The following RAB27B variants were observed in gnomAD, a reference collection of about 807,000 sequenced individuals.
RAB27B encodes the protein RAB27B, member RAS oncogene family, also known as ras-related protein Rab-27B.
RAB27B carries 15 observed loss-of-function variants against 24.6 expected under a neutral mutation model. That is an observed-to-expected ratio of 0.61 (90% CI 0.41 to 0.94). The LOEUF (loss-of-function observed/expected upper bound fraction) is 0.94. Among genes scored for constraint, RAB27B ranks in the 40% least tolerant of loss-of-function variants. The pLI, the probability that RAB27B is intolerant of heterozygous loss-of-function variation, is 0.00. For missense variants in RAB27B, 261 were observed against 266.8 expected (o/e 0.98, Z 0.15); for synonymous variants, 105 against 92.5 (o/e 1.14, Z -0.78).
At chr18:54,858,481 T>G (rs956940715) in intron 1 of RAB27B, among the ~76,000 whole-genome samples, 18 of 151,676 alleles carry the variant, frequency 1.2e-4, no homozygotes, top group African/African-American at 4.4e-4. Context: ...ACCTCCCGTG[T>G]TCACGCCATT....
intron 2 of RAB27B, among the ~76,000 whole-genome samples, chr18:54,757,690 T>C (rs912065613): frequency 6.6e-6 from 1 of 152,184 alleles, no homozygotes; most frequent in Non-Finnish European, 1.5e-5. Flanking sequence ...AAAGATTACT[T>C]ATTTTTCTTT....
chr18:54,840,182 C>A (rs921083514), intron 1 of RAB27B, among the ~76,000 whole-genome samples: 2 of 152,084 alleles, frequency 1.3e-5, no homozygotes, highest in Admixed American at 6.5e-5. Context: ...GGGTAAAGTT[C>A]TTTCCTTGTA....
chr18:54,859,169 A>C (rs1911910061), intron 1 of RAB27B, among the ~76,000 whole-genome samples: 1 of 152,202 alleles, frequency 6.6e-6, no homozygotes, highest in Non-Finnish European at 1.5e-5. Context: ...TTGTAGATCA[A>C]ATCTGGAAAA....
chr18:54,719,048 ATG>A (rs987091041), intron 2 of RAB27B, among the ~76,000 whole-genome samples: 5 of 52,368 alleles, frequency 9.5e-5, no homozygotes, highest in South Asian at 5.8e-4. Flanking sequence ...TAAGATAAAC[ATG>A]TAAGATAAAA....
At chr18:54,871,340 A>C (rs1912457357) in intron 1 of RAB27B, among the ~76,000 whole-genome samples, 2 of 152,196 alleles carry the variant, frequency 1.3e-5, no homozygotes, top group African/African-American at 4.8e-5. Flanking sequence ...ACGGGAACGA[A>C]TATTTCATAG....
chr18:54,743,305 C>T (rs1318435518), intron 2 of RAB27B, among the ~76,000 whole-genome samples: 2 of 152,100 alleles, frequency 1.3e-5, no homozygotes, highest in Non-Finnish European at 2.9e-5. Flanking sequence ...TTCATTCAGC[C>T]CATATTGATT....
At chr18:54,836,694 C>T (rs1053627274) in intron 1 of RAB27B, among the ~76,000 whole-genome samples, 2 of 151,894 alleles carry the variant, frequency 1.3e-5, no homozygotes, top group African/African-American at 4.8e-5. Flanking sequence ...ATCATGTTTT[C>T]TAAAAGTGTG....
chr18:54,854,735 A>G (rs778210058), intron 1 of RAB27B, among the ~76,000 whole-genome samples: 10 of 152,206 alleles, frequency 6.6e-5, no homozygotes, highest in Non-Finnish European at 1.2e-4. Flanking sequence ...AATAAAATTA[A>G]TGGTACCACA....
At chr18:54,793,852 C>T (rs1909331671) in intron 2 of RAB27B, among the ~76,000 whole-genome samples, 1 of 152,196 alleles carries the variant, frequency 6.6e-6, no homozygotes, top group Admixed American at 6.5e-5. Context: ...TCAAATCTAT[C>T]CTGGGCAACA....
At chr18:54,872,839 T>C (rs917459838) in intron 1 of RAB27B, among the ~76,000 whole-genome samples, 3 of 152,160 alleles carry the variant, frequency 2.0e-5, no homozygotes, top group African/African-American at 7.2e-5. Context: ...AATAAATTTA[T>C]ACACTCAACA....
At chr18:54,869,178 G>A (rs1182591886) in intron 1 of RAB27B, among the ~76,000 whole-genome samples, 2 of 152,180 alleles carry the variant, frequency 1.3e-5, no homozygotes, top group Non-Finnish European at 2.9e-5. Flanking sequence ...TTTTCAGATG[G>A]AATCCATTAG....
chr18:54,815,865 C>T (rs1910105741), intron 2 of RAB27B, among the ~76,000 whole-genome samples: 2 of 152,098 alleles, frequency 1.3e-5, no homozygotes, highest in South Asian at 4.2e-4. Context: ...CTCAAGTGAT[C>T]CACCCACCTC....
intron 2 of RAB27B, among the ~76,000 whole-genome samples, chr18:54,804,220 A>G (rs1025980856): frequency 6.6e-6 from 1 of 152,232 alleles, no homozygotes; most frequent in Non-Finnish European, 1.5e-5. Flanking sequence ...TCCAAACTGA[A>G]GGACATTCAA....
rs2099454185 is a variant in RAB27B, at chr18:54,736,965, G to GT, written c.-20+18829dup. Among the ~76,000 whole-genome samples the GT allele has an allele frequency of 2.0e-5, 3 of 152,248 alleles. No individual in the cohort carries two copies. In the South Asian group the frequency reaches 6.2e-4, roughly 32 times the overall value. ...GAAGTCTTAGGGACTCGAAAGAACA[G>GT]TTTTTAAATGTTATTTCCTTTTGTG... is the stretch of plus-strand genomic sequence containing the variant. On this transcript the variant is annotated intron_variant, in intron 2 of 4. Coordinates refer to the RAB27B transcript ENST00000586570.
chr18:54,809,628 T>G (rs1909901240), intron 2 of RAB27B, among the ~76,000 whole-genome samples: 1 of 152,224 alleles, frequency 6.6e-6, no homozygotes, highest in Non-Finnish European at 1.5e-5. Context: ...AATGCATAAG[T>G]CAAAACCAAG....
rs372856326 is a variant in RAB27B at position 54,751,552 on chromosome 18, CTT to C, written c.-20+33414_-20+33415del. 1.4e-4 allele frequency among the ~76,000 whole-genome samples: 22 copies of C among 152,162 alleles called. No individual in the cohort carries two copies. In the East Asian group the frequency reaches 4.1e-3, roughly 28 times the overall value. On this transcript the variant is annotated intron_variant, in intron 2 of 4. Coordinates refer to the RAB27B transcript ENST00000586570. ...AGATTAAAGGGATCGTTGAAAAACT[CTT>C]TTGAGTTTTATTTTGGACACAATGA...
At chr18:54,854,604 T>A (rs148537706) in intron 1 of RAB27B, among the ~76,000 whole-genome samples, 37 of 152,222 alleles carry the variant, frequency 2.4e-4, no homozygotes, top group Middle Eastern at 6.8e-3. Context: ...ACCATTTAGA[T>A]CTCTATAATA....
At chr18:54,887,678 T>C (rs1913201285) in intron 4 of RAB27B, among the ~76,000 whole-genome samples, 4 of 152,172 alleles carry the variant, frequency 2.6e-5, no homozygotes, top group African/African-American at 9.6e-5. Flanking sequence ...ATTAAAAAGA[T>C]CTTCCAAAGG....
intron 2 of RAB27B, among the ~76,000 whole-genome samples, chr18:54,812,354 A>T (rs1030783219): frequency 6.6e-6 from 1 of 152,124 alleles, no homozygotes; most frequent in African/African-American, 2.4e-5. Context: ...AAATTTACAG[A>T]TGTTCTGGAA....
Sources: gnomAD v4.1 joint callset for allele counts (sites outside exome capture counted in the v4.1 genomes callset) on GRCh38, gnomAD v4.1.1 for gene constraint, MANE v1.5 for transcripts, NCBI Gene and HGNC (gene_info 2026-07-23, HGNC 2026-07-21) for gene names.